Variants in SHC3 observed in about 807,000 individuals in gnomAD.
SHC3 encodes SHC adaptor protein 3.
In SHC3, 15 loss-of-function variants were observed where a neutral mutation model predicts 60.4. The ratio of observed to expected loss-of-function variants is 0.25; its 90% CI spans 0.17 to 0.38. The LOEUF is 0.38. SHC3 is among the 10% of genes least tolerant of loss of function. SHC3 has a pLI of 1.00. For synonymous variants in SHC3, 294 were observed against 325.9 expected (o/e 0.90, Z 1.05); for missense variants, 677 against 786.1 (o/e 0.86, Z 1.66).
At chr9:89,172,398 CA>C (rs1826881779) in intron 1 of SHC3, among the ~76,000 whole-genome samples, 1 of 152,052 alleles carries the variant, frequency 6.6e-6, no homozygotes. Flanking sequence ...ACAGTGGGGT[CA>C]AAATGTTTTG....
intron 6 of SHC3, among the ~76,000 whole-genome samples, chr9:89,064,366 G>C (rs1345296142): frequency 6.6e-6 from 1 of 152,172 alleles, no homozygotes; most frequent in Admixed American, 6.5e-5. Flanking sequence ...AAACCTGAGA[G>C]AGCCTGGTGA....
rs1826018861 is a variant in SHC3, at chr9:89,011,993, C to T, written c.*1454G>A. 1 of 152,258 alleles carries T rather than the reference C, an allele frequency of 6.6e-6. No homozygotes were observed. The highest frequency in any genetic ancestry group is 1.5e-5 in the Non-Finnish European group (1 of 68,080). 9.4% of individuals were successfully genotyped at this position (152,258 alleles called of 1,614,324 possible). A position where few individuals can be genotyped will look rare whatever the true frequency, so the allele number is the denominator to read the frequency against. ...CAGATTTTTCAGTCTCCTCATAACT[C>T]TCCTTACAGGATCAGATTTATCACT... On this transcript the variant is annotated 3_prime_UTR_variant, in exon 12 of 12. Coordinates refer to ENST00000375835, the MANE Select transcript of SHC3 (RefSeq NM_016848.6).
rs866712790 is a variant in SHC3, at chr9:89,176,052, T to C, written c.474+1935A>G. ...CGTTTATGTTCACATCACAGCACCA[T>C]TCATGGCTGCTAATGAACAAGGAAC... On this transcript the variant is annotated intron_variant, in intron 1 of 11. Transcript: ENST00000375835. Among the ~76,000 whole-genome samples, 2 of 152,304 alleles carry C rather than the reference T, an allele frequency of 1.3e-5. 1 individual carries two copies. The highest frequency in any genetic ancestry group is 6.8e-3 in the Middle Eastern group (2 of 294).
intron 2 of SHC3, among the ~76,000 whole-genome samples, chr9:89,110,591 G>A (rs1316431020): frequency 6.6e-6 from 1 of 152,158 alleles, no homozygotes; most frequent in Non-Finnish European, 1.5e-5. Flanking sequence ...TTGTCAAATT[G>A]TTTCCTTTGA....
chr9:89,174,220 T>C (rs996691875), intron 1 of SHC3, among the ~76,000 whole-genome samples: 4 of 152,142 alleles, frequency 2.6e-5, no homozygotes, highest in South Asian at 2.1e-4. Context: ...GTAGAGCATT[T>C]ACAAATAAAG....
chr9:89,161,260 C>A (rs79658434), intron 1 of SHC3, among the ~76,000 whole-genome samples: 1 of 152,114 alleles, frequency 6.6e-6, no homozygotes, highest in South Asian at 2.1e-4. Flanking sequence ...GCTGTTCTGG[C>A]GATAGCAAGT....
chr9:89,094,100 T>A (rs1825665053), intron 2 of SHC3, among the ~76,000 whole-genome samples: 1 of 136,168 alleles, frequency 7.3e-6, no homozygotes, highest in African/African-American at 2.8e-5. Flanking sequence ...TAAGACTCTG[T>A]CTCAAAAAAA....
intron 6 of SHC3, among the ~76,000 whole-genome samples, chr9:89,056,356 C>T (rs886384525): frequency 2.0e-5 from 3 of 152,310 alleles, no homozygotes; most frequent in Admixed American, 2.0e-4. Context: ...AAGCCATTCT[C>T]CTGCCTCAGC....
intron 2 of SHC3, among the ~76,000 whole-genome samples, chr9:89,084,344 C>CA (rs34238542): frequency 2.0e-5 from 3 of 151,928 alleles, no homozygotes; most frequent in Admixed American, 1.3e-4. Flanking sequence ...AAACAGATGT[C>CA]AAAAAAAGTA....
intron 2 of SHC3, among the ~76,000 whole-genome samples, chr9:89,100,514 A>G (rs762735098): frequency 6.6e-6 from 1 of 152,092 alleles, no homozygotes; most frequent in Non-Finnish European, 1.5e-5. Context: ...GGGAGCTACC[A>G]TGCCCATCCT....
chr9:89,034,966 C>A (rs1824547692), intron 11 of SHC3, among the ~76,000 whole-genome samples: 1 of 152,124 alleles, frequency 6.6e-6, no homozygotes, highest in Non-Finnish European at 1.5e-5. Flanking sequence ...GATTGTATTC[C>A]CATTATCTCA....
intron 6 of SHC3, among the ~76,000 whole-genome samples, chr9:89,057,916 A>T (rs1824982447): frequency 6.6e-6 from 1 of 152,178 alleles, no homozygotes; most frequent in Non-Finnish European, 1.5e-5. Context: ...TCTAAATCCA[A>T]GGACAAGTGT....
chr9:89,065,185 G>A (rs146253402), intron 6 of SHC3, among the ~76,000 whole-genome samples: 1,931 of 152,296 alleles, frequency 0.013, 20 homozygotes, highest in Middle Eastern at 0.017. Flanking sequence ...TGGGCACTGG[G>A]CACACACCAG....
intron 2 of SHC3, among the ~76,000 whole-genome samples, chr9:89,087,537 G>A (rs1299966249): frequency 1.3e-5 from 2 of 152,102 alleles, no homozygotes; most frequent in African/African-American, 2.4e-5. Context: ...GAGAGCCAGG[G>A]GATCCCACAT....
intron 2 of SHC3, among the ~76,000 whole-genome samples, chr9:89,079,983 C>T (rs758615645): frequency 9.2e-5 from 14 of 152,174 alleles, no homozygotes; most frequent in Non-Finnish European, 1.8e-4. Context: ...ATTTCAACCA[C>T]GCTGATGGCA....
intron 11 of SHC3, among the ~76,000 whole-genome samples, chr9:89,016,961 T>G (rs1040357047): frequency 6.6e-6 from 1 of 152,132 alleles, no homozygotes; most frequent in Non-Finnish European, 1.5e-5. Flanking sequence ...CAACAAATCT[T>G]ACCAAGAGAT....
intron 11 of SHC3, among the ~76,000 whole-genome samples, 164 bp from the exon 12 acceptor site, chr9:89,013,739 C>G (rs1826048501): frequency 6.6e-6 from 1 of 152,144 alleles, no homozygotes; most frequent in South Asian, 2.1e-4. Flanking sequence ...AGAGCAATGG[C>G]CAATCCATTT....
intron 1 of SHC3, among the ~76,000 whole-genome samples, chr9:89,142,314 C>A (rs1178800182): frequency 1.3e-5 from 2 of 152,172 alleles, no homozygotes; most frequent in Non-Finnish European, 2.9e-5. Flanking sequence ...AATAACAGCA[C>A]TTTGGGAGGC....
rs183547315 is a variant in SHC3, at chr9:89,022,921, C to G, written c.1657-9346G>C. Among the ~76,000 whole-genome samples the G allele has an allele frequency of 1.3e-3, 199 of 152,292 alleles. 1 individual carries two copies. Among genetic ancestry groups the G allele is most frequent in the African/African-American group, 4.1e-3 (169 of 41,546 alleles). On this transcript the variant is annotated intron_variant, in intron 11 of 11. Transcript: ENST00000375835. Reference sequence around the variant, plus strand: ...ATTCTTTCTCCTTTGTAATAAATTGCACTATTTTGCACCTCCCTTGCTGTG... The same window carrying G: ...ATTCTTTCTCCTTTGTAATAAATTGGACTATTTTGCACCTCCCTTGCTGTG...
Sources: allele counts gnomAD v4.1 joint callset (sites outside exome capture counted in the v4.1 genomes callset), GRCh38; gene constraint gnomAD v4.1.1; transcripts MANE v1.5; gene names NCBI Gene and HGNC (gene_info 2026-07-23, HGNC 2026-07-21).